Variants in SLCO1B1 observed in about 807,000 individuals in gnomAD.
SLCO1B1 encodes solute carrier organic anion transporter family member 1B1.
Under a neutral mutation model 70.1 loss-of-function variants are expected in SLCO1B1, and 81 were observed. That is an observed-to-expected ratio of 1.16 (90% CI 0.97 to 1.39). The LOEUF (loss-of-function observed/expected upper bound fraction) is 1.39. Among genes scored for constraint, SLCO1B1 ranks in the 40% most tolerant of loss-of-function variants. SLCO1B1 has a pLI of 0.00. For synonymous variants in SLCO1B1, 283 were observed against 271.5 expected (o/e 1.04, Z -0.42); for missense variants, 895 against 799.6 (o/e 1.12, Z -1.44).
chr12:21,149,433 C>T (rs1349066503), intron 2 of SLCO1B1, among the ~76,000 whole-genome samples: 2 of 152,004 alleles, frequency 1.3e-5, no homozygotes, highest in Non-Finnish European at 2.9e-5. Flanking sequence ...TTTAGCACAG[C>T]TCCAGTGTGC....
chr12:21,131,902 A>G (rs1940140448), intron 1 of SLCO1B1, among the ~76,000 whole-genome samples: 1 of 152,064 alleles, frequency 6.6e-6, no homozygotes, highest in African/African-American at 2.4e-5. Context: ...TTTGTTACAT[A>G]TGTATACATG....
At chr12:21,154,373 G>T (rs892207205) in intron 2 of SLCO1B1, among the ~76,000 whole-genome samples, 3 of 152,120 alleles carry the variant, frequency 2.0e-5, no homozygotes, top group African/African-American at 7.2e-5. Flanking sequence ...TGAGGTTACA[G>T]TGAGAAGATG....
In SLCO1B1 at chr12:21,205,993, T is replaced by A. The variant is rs768861031; in HGVS notation, c.1457T>A (p.Leu486Gln). The change falls in exon 11 of 15, where the codon CTA (leucine) becomes CAA (glutamine). Residue 486 changes from leucine (L) to glutamine (Q), a missense_variant. Coordinates refer to ENST00000256958, the MANE Select transcript of SLCO1B1 (RefSeq NM_006446.5). Reference protein sequence around the residue: ...NNGITYISPCLAGCKSSSGNK... With the variant: ...NNGITYISPCQAGCKSSSGNK... ...GGAATAACTTACATCTCACCCTGTC[T>A]AGCAGGTTGCAAATCTTCAAGTGGC... The A allele has an allele frequency of 6.2e-7, 1 of 1,612,258 alleles. No homozygotes were observed. The highest frequency in any genetic ancestry group is 2.2e-5 in the East Asian group (1 of 44,784).
chr12:21,217,497 A>G (rs955275422), intron 12 of SLCO1B1, among the ~76,000 whole-genome samples, 194 bp downstream of exon 12: 3 of 152,266 alleles, frequency 2.0e-5, no homozygotes, highest in African/African-American at 4.8e-5. Context: ...TAATTCTTCC[A>G]TTAAAAGTCC....
rs879412701 is a variant in SLCO1B1 at position 21,229,001 on chromosome 12, TA to T, written c.1865+4175del. 3.0e-3 allele frequency among the ~76,000 whole-genome samples: 427 copies of T among 141,226 alleles called. 1 individual carries two copies. The highest frequency in any genetic ancestry group is 7.2e-3 in the Middle Eastern group (2 of 276). 92.6% of individuals were successfully genotyped at this position (141,226 alleles called of 152,430 possible). A position where few individuals can be genotyped will look rare whatever the true frequency, so the allele number is the denominator to read the frequency against. On this transcript the variant is annotated intron_variant, in intron 14 of 14. Transcript: ENST00000256958. ...TTGCTTGATTGTGTAAAGTGGAATT[TA>T]AAAAAAAAAAAAGAGCAGTGCATTT...
At chr12:21,168,962 G>A (rs1940725862) in intron 2 of SLCO1B1, among the ~76,000 whole-genome samples, 1 of 149,336 alleles carries the variant, frequency 6.7e-6, no homozygotes, top group Non-Finnish European at 1.5e-5. Flanking sequence ...TGAATGTCCT[G>A]AAGCTTTTCT....
chr12:21,194,242 C>T (rs1482629643), intron 7 of SLCO1B1, among the ~76,000 whole-genome samples: 1 of 151,684 alleles, frequency 6.6e-6, no homozygotes, highest in East Asian at 1.9e-4. Context: ...GTCTCAAACT[C>T]CCGACCTCAG....
intron 1 of SLCO1B1, among the ~76,000 whole-genome samples, chr12:21,131,658 G>A (rs1258518226): frequency 1.3e-5 from 2 of 150,962 alleles, no homozygotes; most frequent in Non-Finnish European, 3.0e-5. Context: ...CCAAGGGTGG[G>A]AGTAGAGGGA....
intron 11 of SLCO1B1, among the ~76,000 whole-genome samples, chr12:21,214,670 C>T (rs538193271): frequency 2.3e-4 from 35 of 151,812 alleles, no homozygotes; most frequent in Middle Eastern, 3.4e-3. Flanking sequence ...GCCTCGCTGC[C>T]GCCTTGCAGT....
chr12:21,167,817 T>G (rs1310179937), intron 2 of SLCO1B1, among the ~76,000 whole-genome samples: 2 of 150,792 alleles, frequency 1.3e-5, no homozygotes, highest in African/African-American at 4.9e-5. Context: ...TTCTTTCTTT[T>G]CTTTTTTTTT....
intron 7 of SLCO1B1, among the ~76,000 whole-genome samples, chr12:21,196,289 T>C (rs1441572240): frequency 1.3e-5 from 2 of 152,200 alleles, no homozygotes; most frequent in African/African-American, 4.8e-5. Context: ...TTTATACCTG[T>C]TAAAAGAGTG....
At chr12:21,237,776 A>T (rs1178981195) in intron 14 of SLCO1B1, among the ~76,000 whole-genome samples, 5 of 150,896 alleles carry the variant, frequency 3.3e-5, no homozygotes, top group Non-Finnish European at 3.0e-5. Context: ...GTGCAATGGC[A>T]TGATCTTGGC....
At chr12:21,174,861 T>TATAAATA (rs1940800298) in intron 4 of SLCO1B1, 152 bp downstream of exon 4, 1 of 725,522 alleles carries the variant, frequency 1.4e-6, no homozygotes, top group African/African-American at 1.8e-5. Context: ...TCTATTTGTC[T>TATAAATA]ACATAATCAT....
intron 3 of SLCO1B1, among the ~76,000 whole-genome samples, chr12:21,173,626 T>TA (rs5796891): frequency 0.31 from 46,988 of 150,600 alleles, 8,706 homozygotes; most frequent in African/African-American, 0.51. Context: ...TTTTATAAAG[T>TA]AAAAAAAAAA....
intron 11 of SLCO1B1, among the ~76,000 whole-genome samples, chr12:21,214,964 G>C (rs1356323108): frequency 6.6e-6 from 1 of 151,994 alleles, no homozygotes; most frequent in Non-Finnish European, 1.5e-5. Flanking sequence ...CCCACTGTCT[G>C]GCACTCCCTA....
chr12:21,200,714 A>G, intron 9 of SLCO1B1, 42 bp downstream of exon 9: 4 of 1,513,740 alleles, frequency 2.6e-6, no homozygotes, highest in Non-Finnish European at 2.7e-6. Context: ...AAGTGAAATA[A>G]TACTAAATAC....
intron 2 of SLCO1B1, among the ~76,000 whole-genome samples, chr12:21,164,428 A>ACTTCTC (rs1236144556): frequency 6.6e-6 from 1 of 151,822 alleles, no homozygotes; most frequent in Non-Finnish European, 1.5e-5. Context: ...CTCCTCTTAA[A>ACTTCTC]CTTCTCCTTG....
chr12:21,191,899 T>G (rs191754145), intron 7 of SLCO1B1, among the ~76,000 whole-genome samples: 6 of 152,280 alleles, frequency 3.9e-5, no homozygotes, highest in Admixed American at 3.9e-4. Context: ...TTTGTCCTTT[T>G]TTTGTTAATG....
intron 7 of SLCO1B1, among the ~76,000 whole-genome samples, chr12:21,187,192 C>T (rs1458636274): frequency 6.6e-6 from 1 of 152,094 alleles, no homozygotes; most frequent in African/African-American, 2.4e-5. Context: ...GTCTACTATT[C>T]TGTACAAATA....
Sources: gnomAD v4.1 joint callset for allele counts (sites outside exome capture counted in the v4.1 genomes callset) on GRCh38, gnomAD v4.1.1 for gene constraint, MANE v1.5 for transcripts, NCBI Gene and HGNC (gene_info 2026-07-23, HGNC 2026-07-21) for gene names.